Variants in ARHGEF26 observed in about 807,000 individuals in gnomAD.
ARHGEF26 encodes Rho guanine nucleotide exchange factor (GEF) 26.
A neutral mutation model predicts 89.4 loss-of-function variants in ARHGEF26; 59 were observed. The ratio of observed to expected loss-of-function variants is 0.66; its 90% confidence interval spans 0.54 to 0.82. ARHGEF26 has a LOEUF of 0.82. Ranked by LOEUF, ARHGEF26 falls within the 40% of genes least tolerant of loss-of-function variation. ARHGEF26 has a pLI of 0.00. For synonymous variants in ARHGEF26, 500 were observed against 428.4 expected, an observed-to-expected ratio of 1.17 and a Z score of -2.06; for missense variants, 1,234 against 1,085.6, an observed-to-expected ratio of 1.14 and a Z score of -1.92.
intron 6 of ARHGEF26, among the ~76,000 whole-genome samples, chr3:154,160,876 A>C (rs558906933): frequency 3.0e-4 from 46 of 152,142 alleles, no homozygotes; most frequent in Non-Finnish European, 5.4e-4. Flanking sequence ...AGTTTCATGC[A>C]AATCTGTTTG....
In ARHGEF26 at chr3:154,124,280, G is replaced by A. The variant is rs566405163; in HGVS notation, c.1084-130G>A. ...AGGGCTCAGCTTCTGTGCGCTCTTGGAAATCTAATTAATGTAATGACTAAA... is the reference window on the plus strand; with the variant it reads ...AGGGCTCAGCTTCTGTGCGCTCTTGAAAATCTAATTAATGTAATGACTAAA... On this transcript the variant is annotated intron_variant, in intron 2 of 14. Coordinates refer to ENST00000465093, the MANE Select transcript of ARHGEF26 (RefSeq NM_015595.4). The A allele has an allele frequency of 4.2e-4, 280 of 659,656 alleles. 1 individual carries two copies. In the East Asian group the frequency reaches 8.1e-3, roughly 19 times the overall value. The allele number at this position is 659,656 out of a possible 1,614,324, so 40.9% of individuals were successfully genotyped here. A position where few individuals can be genotyped will look rare whatever the true frequency, so the allele number is the denominator to read the frequency against.
rs536375956 is a variant in ARHGEF26, at chr3:154,133,057, G to A, written c.1269+3338G>A. On this transcript the variant is annotated intron_variant, in intron 4 of 14. Transcript: ENST00000465093. The stretch of plus-strand genomic sequence containing the variant: ...TCTAAAAAATCTTTTTATTGCAAAT[G>A]CCTGCCTCCTGGGATGGTGAAACTA... Among the ~76,000 whole-genome samples the A allele has an allele frequency of 2.4e-4, 37 of 152,034 alleles. 1 individual carries two copies. Among genetic ancestry groups the A allele is most frequent in the African/African-American group, 8.7e-4 (36 of 41,332 alleles).
Position 154,250,386 on chromosome 3 carries a change from G to T in ARHGEF26, c.2301-2730G>T, listed in dbSNP as rs567082723. ...CTGTGGATTTGACAGCATCTAAGAG[G>T]GGGGGGTGGGACTCACTCAATTGAA... On this transcript the variant is annotated intron_variant, in intron 12 of 14. Transcript: ENST00000465093. 6.6e-5 allele frequency among the ~76,000 whole-genome samples: 10 copies of T among 151,322 alleles called. No individual in the cohort carries two copies. In the South Asian group the frequency reaches 8.3e-4, roughly 13 times the overall value.
In ARHGEF26 at chr3:154,122,861, G is replaced by A; in HGVS notation, c.869G>A (p.Gly290Asp). The A allele has an allele frequency of 6.2e-7, 1 of 1,612,916 alleles. No individual in the cohort carries two copies. Residue 290 changes from glycine (G) to aspartate (D), a missense_variant, in exon 2 of 15, where the codon GGT becomes GAT. Gly to Asp is a moderately conservative substitution (Grantham distance 94). Transcript: ENST00000465093. ...SMVEGLGGPL[G>D]HAGEESEVDN... is the part of the protein sequence containing the mutation. ...GTGGAGGGCCTAGGAGGACCCCTGG[G>A]TCACGCAGGGGAGGAGAGTGAGGTC...
chr3:154,175,412 G>A (rs1433959259), intron 6 of ARHGEF26, among the ~76,000 whole-genome samples: 1 of 149,582 alleles, frequency 6.7e-6, no homozygotes, highest in Non-Finnish European at 1.5e-5. Flanking sequence ...CTTTTTCTAC[G>A]GTTAAATTTC....
chr3:154,230,403 C>T (rs1716761982), intron 11 of ARHGEF26, among the ~76,000 whole-genome samples: 1 of 152,126 alleles, frequency 6.6e-6, no homozygotes, highest in Non-Finnish European at 1.5e-5. Context: ...TCTTTATGTT[C>T]ATTACTTCTT....
intron 9 of ARHGEF26, among the ~76,000 whole-genome samples, chr3:154,212,252 G>A (rs1189843083): frequency 6.6e-6 from 1 of 151,396 alleles, no homozygotes; most frequent in Non-Finnish European, 1.5e-5. Context: ...GATTGCTTGA[G>A]CCCAGGTTGT....
At chr3:154,195,795 A>G (rs1272427185) in intron 9 of ARHGEF26, among the ~76,000 whole-genome samples, 1 of 152,180 alleles carries the variant, frequency 6.6e-6, no homozygotes, top group Non-Finnish European at 1.5e-5. Context: ...CATATGGACA[A>G]TAGTTGAAGC....
chr3:154,161,098 GTTTGTGTGTGT>G (rs1158738434), intron 6 of ARHGEF26, among the ~76,000 whole-genome samples: 1,241 of 18,776 alleles, frequency 0.066, 17 homozygotes, highest in African/African-American at 0.1. Flanking sequence ...TGGTAGCCAG[GTTTGTGTGTGT>G]GTGTGTGTGT....
chr3:154,151,179 C>T (rs1397979979), intron 5 of ARHGEF26, among the ~76,000 whole-genome samples: 3 of 152,148 alleles, frequency 2.0e-5, no homozygotes, highest in Non-Finnish European at 4.4e-5. Flanking sequence ...TGAAACATAC[C>T]TCAAAATTTC....
chr3:154,204,957 A>T (rs1714920592), intron 9 of ARHGEF26, among the ~76,000 whole-genome samples: 1 of 152,180 alleles, frequency 6.6e-6, no homozygotes, highest in South Asian at 2.1e-4. Flanking sequence ...ATTGAGAATG[A>T]TCCAAAGAAT....
rs759154435 is a variant in ARHGEF26, at chr3:154,122,858, T to A, written c.866T>A (p.Leu289Gln). Residue 289 changes from leucine (L) to glutamine (Q), a missense_variant, in exon 2 of 15, where the codon CTG becomes CAG. By Grantham distance (113) the Leu-to-Gln change is moderately radical. Coordinates refer to ENST00000465093, the MANE Select transcript of ARHGEF26 (RefSeq NM_015595.4). ...RSMVEGLGGP[L>Q]GHAGEESEVD... Reference sequence around the variant, plus strand: ...ATGGTGGAGGGCCTAGGAGGACCCCTGGGTCACGCAGGGGAGGAGAGTGAG... The same window carrying A: ...ATGGTGGAGGGCCTAGGAGGACCCCAGGGTCACGCAGGGGAGGAGAGTGAG... 34 of 1,612,832 alleles carry A rather than the reference T, an allele frequency of 2.1e-5. No individual in the cohort carries two copies. Among genetic ancestry groups the A allele is most frequent in the Non-Finnish European group, 2.6e-5 (31 of 1,179,472 alleles).
At chr3:154,126,415 C>A (rs1482454241) in intron 3 of ARHGEF26, among the ~76,000 whole-genome samples, 1 of 152,134 alleles carries the variant, frequency 6.6e-6, no homozygotes, top group African/African-American at 2.4e-5. Context: ...TAACACCTCC[C>A]TCTCTCTGCC....
At chr3:154,133,450 G>T (rs1718808631) in intron 4 of ARHGEF26, among the ~76,000 whole-genome samples, 1 of 151,658 alleles carries the variant, frequency 6.6e-6, no homozygotes, top group Non-Finnish European at 1.5e-5. Flanking sequence ...TCTATATTAG[G>T]ACTAAAGAAA....
chr3:154,234,918 A>G (rs933048561), intron 11 of ARHGEF26, among the ~76,000 whole-genome samples: 4 of 151,988 alleles, frequency 2.6e-5, no homozygotes, highest in Non-Finnish European at 5.9e-5. Flanking sequence ...GGCGCTCACC[A>G]CCGCGCCCGG....
intron 4 of ARHGEF26, among the ~76,000 whole-genome samples, chr3:154,140,730 G>A (rs1044078408): frequency 2.0e-5 from 3 of 151,754 alleles, no homozygotes; most frequent in East Asian, 1.9e-4. Context: ...ACAGGCACAC[G>A]CCACCACGCC....
intron 6 of ARHGEF26, among the ~76,000 whole-genome samples, chr3:154,165,011 TA>T (rs1409527202): frequency 6.6e-6 from 1 of 152,162 alleles, no homozygotes; most frequent in African/African-American, 2.4e-5. Context: ...AAGACTGGTT[TA>T]AAAAATGTAT....
intron 12 of ARHGEF26, among the ~76,000 whole-genome samples, chr3:154,246,224 A>G (rs1373762147): frequency 6.6e-6 from 1 of 152,162 alleles, no homozygotes; most frequent in Non-Finnish European, 1.5e-5. Flanking sequence ...CCTTAGGAAA[A>G]TGCAGAGTCA....
At chr3:154,246,927 G>T (rs1047423649) in intron 12 of ARHGEF26, among the ~76,000 whole-genome samples, 1 of 152,128 alleles carries the variant, frequency 6.6e-6, no homozygotes, top group African/African-American at 2.4e-5. Flanking sequence ...GTAGGGGTAC[G>T]TGCAGTGAGT....
Sources: gnomAD v4.1 joint callset for allele counts (sites outside exome capture counted in the v4.1 genomes callset) on GRCh38, gnomAD v4.1.1 for gene constraint, MANE v1.5 for transcripts, NCBI Gene and HGNC (gene_info 2026-07-23, HGNC 2026-07-21) for gene names.